The following WIPI2 variants were observed in gnomAD, a reference collection of about 807,000 sequenced individuals.
The protein encoded by WIPI2 is WD repeat domain phosphoinositide-interacting protein 2.
WIPI2 carries 28 observed loss-of-function variants against 52.3 expected under a neutral mutation model. The observed-to-expected ratio is 0.54, with a 90% CI of 0.40 to 0.73. WIPI2 has a LOEUF of 0.73. Ranked by LOEUF, WIPI2 falls within the 30% of genes least tolerant of loss-of-function variation. The probability of loss-of-function intolerance (pLI) is 0.00; values close to 1 mark genes in which losing one functional copy is unlikely to be tolerated. For synonymous variants in WIPI2, 268 were observed against 245.0 expected (o/e 1.09, Z -0.88); for missense variants, 506 against 602.9 (o/e 0.84, Z 1.68).
In WIPI2 at chr7:5,227,960, C is replaced by T. The variant is rs946461223; in HGVS notation, c.1014-144C>T. On this transcript the variant is annotated intron_variant, in intron 10 of 12. Coordinates refer to ENST00000288828, the MANE Select transcript of WIPI2 (RefSeq NM_015610.4). The surrounding 1 kb of genome is among the most constrained non-coding windows in gnomAD (Gnocchi z 8.1). ...CAGCCTTGGCCGTGTGAGCCGAGGT[C>T]AGTGGGGCGCCAGACACCTGCAGCT... 1 of 768,486 alleles carries T rather than the reference C, an allele frequency of 1.3e-6. No homozygotes were observed. The highest frequency in any genetic ancestry group is 2.2e-6 in the Non-Finnish European group (1 of 448,580). The allele number at this position is 768,486 out of a possible 1,614,324, so 47.6% of individuals were successfully genotyped here. A position where few individuals can be genotyped will look rare whatever the true frequency, so the allele number is the denominator to read the frequency against.
rs147536407 is a variant in WIPI2, at chr7:5,200,368, G to T, written c.211+710G>T. ...GTAATTTTTAATTAAGATAGTTATG[G>T]ATTCACATGTAGTTGCAGGAAATAA... On this transcript the variant is annotated intron_variant, in intron 3 of 12. Transcript: ENST00000288828. Among the ~76,000 whole-genome samples, 550 of 152,230 alleles carry T rather than the reference G, an allele frequency of 3.6e-3. 2 individuals carry two copies. The highest frequency in any genetic ancestry group is 6.5e-3 in the Non-Finnish European group (439 of 68,014).
At chr7:5,225,756 A>T (rs1484965035) in intron 8 of WIPI2, 67 bp from the exon 9 acceptor site, 1 of 1,160,874 alleles carries the variant, frequency 8.6e-7, no homozygotes, top group Non-Finnish European at 1.3e-6. Context: ...CTTCTCCGCC[A>T]CTTGAGTTGA....
intron 3 of WIPI2, among the ~76,000 whole-genome samples, chr7:5,202,543 C>T (rs1306841011): frequency 1.3e-5 from 2 of 151,990 alleles, no homozygotes; most frequent in Non-Finnish European, 2.9e-5. Flanking sequence ...GCCACTACAC[C>T]TGGCTGATTT....
chr7:5,224,786 C>T (rs1783345483), intron 8 of WIPI2, among the ~76,000 whole-genome samples: 1 of 152,200 alleles, frequency 6.6e-6, no homozygotes, highest in Non-Finnish European at 1.5e-5. Flanking sequence ...AAAGTTAATT[C>T]AGCCTATGCC....
intron 2 of WIPI2, among the ~76,000 whole-genome samples, chr7:5,195,411 A>G (rs766259712): frequency 3.3e-5 from 5 of 152,170 alleles, no homozygotes; most frequent in African/African-American, 4.8e-5. Flanking sequence ...CCTTGAGCCC[A>G]GGAGGTTGGG....
intron 8 of WIPI2, 23 bp from the exon 9 acceptor site, chr7:5,225,800 C>A: frequency 1.3e-6 from 2 of 1,593,484 alleles, no homozygotes; most frequent in South Asian, 2.3e-5. Flanking sequence ...CGGTGGCCCG[C>A]CCCAACCTGT....
intron 3 of WIPI2, among the ~76,000 whole-genome samples, chr7:5,203,833 C>T (rs1583552334): frequency 6.6e-6 from 1 of 152,056 alleles, no homozygotes; most frequent in African/African-American, 2.4e-5. Flanking sequence ...CCGTGTTAGC[C>T]AGGATGGTCT....
At position 5,228,183 on chromosome 7, in the gene WIPI2, G is replaced by T; in HGVS notation, c.1093G>T (p.Gly365Cys). The change falls in exon 11 of 13, where the codon GGC becomes TGC. Residue 365 changes from glycine (G) to cysteine (C), a missense_variant. Gly to Cys is a radical substitution (Grantham distance 159). Transcript: ENST00000288828. The stretch of plus-strand genomic sequence containing the variant: ...GTACAACCTGGACCCCCAGGAGGGC[G>T]GCGAGTGTGCCCTGATGAAGCAGCA... ...YMYNLDPQEG[G>C]ECALMKQHRL... is the part of the protein sequence containing the mutation. 1.2e-6 allele frequency: 2 copies of T among 1,613,592 alleles called. No individual in the cohort carries two copies. Among genetic ancestry groups the T allele is most frequent in the Non-Finnish European group, 1.7e-6 (2 of 1,179,958 alleles).
At chr7:5,192,383 C>CGA (rs1781526641) in intron 1 of WIPI2, among the ~76,000 whole-genome samples, 1 of 152,174 alleles carries the variant, frequency 6.6e-6, no homozygotes, top group Admixed American at 6.5e-5. Context: ...GTCGGCCACT[C>CGA]TTTCAGTTTT....
At chr7:5,219,195 C>G (rs1466478833) in intron 7 of WIPI2, among the ~76,000 whole-genome samples, 2 of 152,102 alleles carry the variant, frequency 1.3e-5, no homozygotes, top group Non-Finnish European at 2.9e-5. Context: ...TGTTTCATAG[C>G]AAGGGCTCAG....
Position 5,228,189 on chromosome 7 carries a change from T to C in WIPI2, c.1099T>C (p.Cys367Arg). The C allele has an allele frequency of 6.2e-7, 1 of 1,613,344 alleles. No individual in the cohort carries two copies. The highest frequency in any genetic ancestry group is 8.5e-7 in the Non-Finnish European group (1 of 1,179,902). ...YNLDPQEGGE[C>R]ALMKQHRLDG... ...CCTGGACCCCCAGGAGGGCGGCGAG[T>C]GTGCCCTGATGAAGCAGCACCGGTG... The change falls in exon 11 of 13, where the codon TGT becomes CGT. Residue 367 changes from cysteine (C) to arginine (R), a missense_variant. Around this residue, in one of 4 missense-constraint regions of WIPI2, gnomAD observed 194 missense variants for 175.1 expected, o/e 1.11. Coordinates refer to ENST00000288828, the MANE Select transcript of WIPI2 (RefSeq NM_015610.4).
At chr7:5,215,236 G>A (rs1316121765) in intron 4 of WIPI2, among the ~76,000 whole-genome samples, 3 of 146,234 alleles carry the variant, frequency 2.1e-5, no homozygotes, top group African/African-American at 5.1e-5. Flanking sequence ...GCTTGAACCC[G>A]GGAGTCGGAA....
rs1017101235 is a variant in WIPI2, at chr7:5,198,892, A to G, written c.129-684A>G. ...ACCAGTCCAGTTAATTAACATATCT[A>G]TCACCTCAAATAGTTACCTTTTTGT... On this transcript the variant is annotated intron_variant, in intron 2 of 12. Coordinates refer to ENST00000288828, the MANE Select transcript of WIPI2 (RefSeq NM_015610.4). 9.2e-5 allele frequency among the ~76,000 whole-genome samples: 14 copies of G among 152,320 alleles called. 1 individual carries two copies. Among genetic ancestry groups the G allele is most frequent in the East Asian group, 1.9e-4 (1 of 5,194 alleles).
At chr7:5,209,911 G>GT (rs760731626) in intron 3 of WIPI2, among the ~76,000 whole-genome samples, 15 of 151,734 alleles carry the variant, frequency 9.9e-5, no homozygotes, top group Non-Finnish European at 1.6e-4. Context: ...TTTTTGTTTT[G>GT]TTTTTTTGGT....
chr7:5,225,949 T>A lies in WIPI2; in HGVS notation c.848+19T>A, dbSNP rs1383615731. On this transcript the variant is annotated intron_variant, in intron 9 of 12. Coordinates refer to ENST00000288828, the MANE Select transcript of WIPI2 (RefSeq NM_015610.4). Reference sequence around the variant, plus strand: ...AAGAAAAGTGAGTTGCAAATATACGTTTCTTTAAAAATGATGCAAAACCCT... The same window carrying A: ...AAGAAAAGTGAGTTGCAAATATACGATTCTTTAAAAATGATGCAAAACCCT... 6.2e-7 allele frequency: 1 copy of A among 1,603,776 alleles called. No individual in the cohort carries two copies. The highest frequency in any genetic ancestry group is 8.5e-7 in the Non-Finnish European group (1 of 1,173,998).
At chr7:5,197,427 C>T (rs1781807140) in intron 2 of WIPI2, among the ~76,000 whole-genome samples, 1 of 152,040 alleles carries the variant, frequency 6.6e-6, no homozygotes, top group South Asian at 2.1e-4. Flanking sequence ...TTACTCTATT[C>T]TTCTTGGTTC....
intron 6 of WIPI2, chr7:5,217,457 C>T: frequency 2.2e-6 from 1 of 446,852 alleles, no homozygotes; most frequent in South Asian, 2.2e-5. Flanking sequence ...CAACACCACA[C>T]CCAGCTAATT....
At chr7:5,209,728 C>T (rs750037914) in intron 3 of WIPI2, among the ~76,000 whole-genome samples, 1 of 152,040 alleles carries the variant, frequency 6.6e-6, no homozygotes, top group Non-Finnish European at 1.5e-5. Context: ...CTTCTCTTTC[C>T]TTCTTCAGGT....
chr7:5,217,509 C>A (rs1470103081), intron 6 of WIPI2: 9 of 394,442 alleles, frequency 2.3e-5, no homozygotes, highest in Admixed American at 3.9e-5. Context: ...GTTGCCCAGG[C>A]TGGCCTCAAA....
Sources: allele counts gnomAD v4.1 joint callset (sites outside exome capture counted in the v4.1 genomes callset), GRCh38; gene constraint gnomAD v4.1.1; regional missense constraint gnomAD v4.1.1; non-coding constraint Gnocchi (gnomAD v3.1); transcripts MANE v1.5; gene names NCBI Gene and HGNC (gene_info 2026-07-23, HGNC 2026-07-21).